The following ATF7IP variants were observed in gnomAD, a reference collection of about 807,000 sequenced individuals.
ATF7IP encodes activating transcription factor 7 interacting protein.
In ATF7IP, 23 loss-of-function variants were observed where a neutral mutation model predicts 106.4. That is an observed-to-expected ratio of 0.22 (90% confidence interval 0.16 to 0.31). ATF7IP has a LOEUF of 0.31. Among genes scored for constraint, ATF7IP ranks in the 10% least tolerant of loss-of-function variants. The pLI is 1.00. For missense variants in ATF7IP, 1,334 were observed against 1,524.3 expected, an observed-to-expected ratio of 0.88 and a Z score of 2.08; for synonymous variants, 542 against 539.0, an observed-to-expected ratio of 1.01 and a Z score of -0.08.
chr12:14,448,542 T>C (rs1367744938), intron 6 of ATF7IP, among the ~76,000 whole-genome samples: 2 of 152,182 alleles, frequency 1.3e-5, no homozygotes, highest in Admixed American at 1.3e-4. Flanking sequence ...TTATTTTTAT[T>C]ATTGTTACAT....
intron 1 of ATF7IP, 74 bp from the exon 2 acceptor site, chr12:14,423,835 T>C: frequency 6.8e-7 from 1 of 1,467,976 alleles, no homozygotes; most frequent in Non-Finnish European, 9.1e-7. Context: ...TCTTCTAAGA[T>C]CAATTTGTAT....
chr12:14,381,812 G>A (rs147079879), intron 1 of ATF7IP, among the ~76,000 whole-genome samples: 171 of 150,846 alleles, frequency 1.1e-3, no homozygotes, highest in African/African-American at 4.0e-3. Context: ...CATATGCAGA[G>A]TTTTCAAATA....
chr12:14,367,097 TGCAAATGTTTTCCA>T (rs2136385433), intron 1 of ATF7IP, among the ~76,000 whole-genome samples: 1 of 152,308 alleles, frequency 6.6e-6, no homozygotes, highest in South Asian at 2.1e-4. Flanking sequence ...CAAAGAAACT[TGCAAATGTTTTCCA>T]TAGACTTCAT....
At chr12:14,377,670 A>G (rs958154120) in intron 1 of ATF7IP, among the ~76,000 whole-genome samples, 4 of 147,812 alleles carry the variant, frequency 2.7e-5, no homozygotes, top group African/African-American at 2.5e-5. Flanking sequence ...TTGGAGTGCA[A>G]TGGCGTGATC....
intron 13 of ATF7IP, among the ~76,000 whole-genome samples, chr12:14,492,679 C>G (rs1174748741): frequency 6.6e-6 from 1 of 152,206 alleles, no homozygotes; most frequent in Non-Finnish European, 1.5e-5. Context: ...CTATACAAGT[C>G]AGACTCTTCT....
At position 14,424,404 on chromosome 12, in the gene ATF7IP, G is replaced by T; in HGVS notation, c.489G>T (p.Glu163Asp). The T allele has an allele frequency of 3.7e-6, 6 of 1,612,828 alleles. No homozygotes were observed. Among genetic ancestry groups the T allele is most frequent in the Non-Finnish European group, 5.1e-6 (6 of 1,179,494 alleles). ...DSTSGDPTSSEPSSSDAASGD... is the reference protein window; with the variant it reads ...DSTSGDPTSSDPSSSDAASGD... ...CCTCTGGTGATCCCACCTCTAGCGA[G>T]CCCTCCTCTAGTGATGCTGCCTCTG... The change falls in exon 2 of 15, where the codon GAG (glutamate) becomes GAT (aspartate). Residue 163 changes from glutamate to aspartate, a missense_variant. Around this residue, in one of 10 missense-constraint regions of ATF7IP, gnomAD observed 438 missense variants for 405.3 expected, o/e 1.08. Coordinates refer to ENST00000261168, the MANE Select transcript of ATF7IP (RefSeq NM_018179.5).
chr12:14,430,134 A>C (rs1942047056), intron 2 of ATF7IP, among the ~76,000 whole-genome samples: 1 of 152,198 alleles, frequency 6.6e-6, no homozygotes, highest in South Asian at 2.1e-4. Context: ...GAGCTGAGAA[A>C]GAGCAGCCCC....
At chr12:14,378,995 C>T (rs941392459) in intron 1 of ATF7IP, among the ~76,000 whole-genome samples, 2 of 152,184 alleles carry the variant, frequency 1.3e-5, no homozygotes, top group African/African-American at 4.8e-5. Context: ...ATATCTCGTA[C>T]ACAACTGTCA....
chr12:14,487,923 T>C (rs1944680283), intron 13 of ATF7IP, among the ~76,000 whole-genome samples: 1 of 152,198 alleles, frequency 6.6e-6, no homozygotes, highest in Admixed American at 6.5e-5. Flanking sequence ...AACTCCTTGC[T>C]TCTCACAAGT....
intron 5 of ATF7IP, among the ~76,000 whole-genome samples, chr12:14,440,939 T>A (rs2136640319): frequency 6.6e-6 from 1 of 152,370 alleles, no homozygotes; most frequent in East Asian, 1.9e-4. Context: ...TAATATTCCA[T>A]TATATGGCGG....
chr12:14,432,738 T>G (rs1942201399), intron 2 of ATF7IP, among the ~76,000 whole-genome samples: 1 of 152,232 alleles, frequency 6.6e-6, no homozygotes, highest in African/African-American at 2.4e-5. Flanking sequence ...AAGAAATGTC[T>G]TATCAGAATC....
intron 13 of ATF7IP, among the ~76,000 whole-genome samples, chr12:14,495,145 G>T (rs1944974347): frequency 6.6e-6 from 1 of 152,078 alleles, no homozygotes; most frequent in African/African-American, 2.4e-5. Flanking sequence ...TTTTCTGGCA[G>T]CTGATTAGAT....
chr12:14,479,671 T>G (rs192166557), intron 12 of ATF7IP, among the ~76,000 whole-genome samples: 2,515 of 152,294 alleles, frequency 0.017, 32 homozygotes, highest in East Asian at 0.026. Flanking sequence ...AGGGACTGTT[T>G]AGATTTGTTG....
chr12:14,458,443 T>TTGTGG (rs1943516907), intron 8 of ATF7IP, among the ~76,000 whole-genome samples: 1 of 152,236 alleles, frequency 6.6e-6, no homozygotes, highest in Non-Finnish European at 1.5e-5. Context: ...TCTTCTTTAA[T>TTGTGG]ACTATCCAGT....
At position 14,500,027 on chromosome 12, in the gene ATF7IP, T is replaced by C. The variant is rs897484160; in HGVS notation, c.*1954T>C. 2 of 152,130 alleles carry C rather than the reference T, an allele frequency of 1.3e-5. No individual in the cohort carries two copies. The highest frequency in any genetic ancestry group is 4.8e-5 in the African/African-American group (2 of 41,426). 9.4% of individuals were successfully genotyped at this position (152,130 alleles called of 1,614,324 possible). A position where few individuals can be genotyped will look rare whatever the true frequency, so the allele number is the denominator to read the frequency against. The stretch of plus-strand genomic sequence containing the variant: ...TTAGGACTGGAGGGCTGAGTTAAGT[T>C]TTAGGAGGAGAATGTGGTTGAGAAT... On this transcript the variant is annotated 3_prime_UTR_variant, in exon 15 of 15. Coordinates refer to ENST00000261168, the MANE Select transcript of ATF7IP (RefSeq NM_018179.5).
chr12:14,492,100 G>T (rs1396242454), intron 13 of ATF7IP, among the ~76,000 whole-genome samples: 1 of 152,166 alleles, frequency 6.6e-6, no homozygotes, highest in Non-Finnish European at 1.5e-5. Flanking sequence ...TGGTGGTTCT[G>T]CCAGCTGCTA....
Position 14,424,705 on chromosome 12 carries a change from C to T in ATF7IP, c.790C>T (p.Leu264=). 1 of 1,614,116 alleles carries T rather than the reference C, an allele frequency of 6.2e-7. No individual in the cohort carries two copies. The highest frequency in any genetic ancestry group is 8.5e-7 in the Non-Finnish European group (1 of 1,180,018). Residue 264 remains leucine (L), a synonymous_variant, in exon 2 of 15, where the codon CTG becomes TTG. Transcript: ENST00000261168. ...CTCTGGTGATCTATCCTCTAGTGAA[C>T]TGGCCTCTGATGATCTGGCCACTGG... The part of the protein sequence containing the change: ...LASGDLSSSE[L]ASDDLATGEL...
At chr12:14,425,628 G>C in intron 2 of ATF7IP, 155 bp downstream of exon 2, 1 of 739,996 alleles carries the variant, frequency 1.4e-6, no homozygotes, top group Non-Finnish European at 2.0e-6. Flanking sequence ...ATAGAATTCA[G>C]AATTAGTGTG....
intron 5 of ATF7IP, among the ~76,000 whole-genome samples, chr12:14,439,912 A>G (rs1184181841): frequency 2.6e-5 from 4 of 152,070 alleles, no homozygotes; most frequent in Non-Finnish European, 2.9e-5. Context: ...GACACCTATC[A>G]TCTCACACAT....
Sources: gnomAD v4.1 joint callset for allele counts (sites outside exome capture counted in the v4.1 genomes callset) on GRCh38, gnomAD v4.1.1 for gene constraint, gnomAD v4.1.1 regional missense constraint, MANE v1.5 for transcripts, NCBI Gene and HGNC (gene_info 2026-07-23, HGNC 2026-07-21) for gene names.